The following CPQ variants were observed in gnomAD, a reference collection of about 807,000 sequenced individuals.
CPQ encodes carboxypeptidase Q.
CPQ carries 37 observed loss-of-function variants against 45.7 expected under a neutral mutation model. The ratio of observed to expected loss-of-function variants is 0.81; its 90% CI spans 0.62 to 1.07. CPQ has a LOEUF of 1.07. Ranked by LOEUF, CPQ falls within the 50% of genes least tolerant of loss-of-function variation. The pLI, the probability that CPQ is intolerant of heterozygous loss-of-function variation, is 0.00. For synonymous variants in CPQ, 186 were observed against 205.8 expected (o/e 0.90, Z 0.82); for missense variants, 537 against 572.9 (o/e 0.94, Z 0.64).
chr8:96,859,878 G>A (rs928980928), intron 3 of CPQ, among the ~76,000 whole-genome samples: 1 of 152,016 alleles, frequency 6.6e-6, no homozygotes, highest in African/African-American at 2.4e-5. Flanking sequence ...CATACATTTT[G>A]TGTACTTATT....
chr8:96,759,033 T>C (rs981681349), intron 1 of CPQ, among the ~76,000 whole-genome samples: 6 of 152,198 alleles, frequency 3.9e-5, no homozygotes, highest in Non-Finnish European at 8.8e-5. Flanking sequence ...GTTCGAGTAA[T>C]ATTTTCTACG....
chr8:96,857,477 A>G (rs1328942714), intron 3 of CPQ, among the ~76,000 whole-genome samples: 1 of 152,206 alleles, frequency 6.6e-6, no homozygotes, highest in Non-Finnish European at 1.5e-5. Flanking sequence ...ATAAGGATAA[A>G]CGATCAGAGG....
chr8:96,837,115 T>A (rs1358853781), intron 3 of CPQ, among the ~76,000 whole-genome samples: 1 of 152,182 alleles, frequency 6.6e-6, no homozygotes, highest in African/African-American at 2.4e-5. Context: ...ATTTTATTGA[T>A]AGGGAAATAA....
intron 4 of CPQ, among the ~76,000 whole-genome samples, chr8:96,910,301 T>G (rs2130903845): frequency 6.6e-6 from 1 of 152,300 alleles, no homozygotes; most frequent in African/African-American, 2.4e-5. Context: ...AAAACTCTAT[T>G]TCAAGGCTTT....
At chr8:96,759,209 T>G (rs1040264828) in intron 1 of CPQ, among the ~76,000 whole-genome samples, 3 of 152,266 alleles carry the variant, frequency 2.0e-5, no homozygotes, top group Admixed American at 2.0e-4. Flanking sequence ...CTCACCTTGC[T>G]CCATCCCTGC....
At chr8:97,105,453 G>T (rs1226899255) in intron 7 of CPQ, among the ~76,000 whole-genome samples, 1 of 152,074 alleles carries the variant, frequency 6.6e-6, no homozygotes, top group Non-Finnish European at 1.5e-5. Flanking sequence ...GTTTTGTCTG[G>T]TTTTTTATTC....
chr8:96,820,504 A>T (rs1330152978), intron 2 of CPQ, among the ~76,000 whole-genome samples: 1 of 151,768 alleles, frequency 6.6e-6, no homozygotes, highest in African/African-American at 2.4e-5. Context: ...ATAACTACCA[A>T]TCTCTATCTT....
intron 4 of CPQ, among the ~76,000 whole-genome samples, chr8:96,943,296 G>T (rs1241290764): frequency 6.6e-6 from 1 of 152,168 alleles, no homozygotes; most frequent in African/African-American, 2.4e-5. Flanking sequence ...TGCATCTGTA[G>T]ATGCGTGTAC....
chr8:96,960,509 A>G (rs183736113), intron 4 of CPQ, among the ~76,000 whole-genome samples: 13 of 152,240 alleles, frequency 8.5e-5, no homozygotes, highest in Admixed American at 2.6e-4. Flanking sequence ...CATATGGAAG[A>G]CTTTATTTAT....
At chr8:97,020,177 G>A (rs1809653495) in intron 5 of CPQ, among the ~76,000 whole-genome samples, 1 of 152,046 alleles carries the variant, frequency 6.6e-6, no homozygotes, top group Non-Finnish European at 1.5e-5. Flanking sequence ...TCTTTGAACT[G>A]AGTGACAGTA....
At chr8:97,110,195 C>CATATAAA (rs1811477035) in intron 7 of CPQ, among the ~76,000 whole-genome samples, 3 of 152,108 alleles carry the variant, frequency 2.0e-5, no homozygotes, top group Non-Finnish European at 2.9e-5. Context: ...TTAGTTTTTC[C>CATATAAA]TGTGCTTGAA....
chr8:96,791,096 AG>A (rs1227703529), intron 2 of CPQ, among the ~76,000 whole-genome samples: 13 of 152,138 alleles, frequency 8.5e-5, no homozygotes, highest in Non-Finnish European at 1.8e-4. Flanking sequence ...TTATCTGAAA[AG>A]GATTAGCACT....
intron 5 of CPQ, among the ~76,000 whole-genome samples, chr8:97,012,010 T>C (rs1224156763): frequency 6.6e-6 from 1 of 152,212 alleles, no homozygotes; most frequent in Non-Finnish European, 1.5e-5. Flanking sequence ...GCAAAACACC[T>C]ACTACAATGA....
chr8:96,854,557 A>AAAAAAAAAAACCAC lies in CPQ; in HGVS notation c.641+19379_641+19380insAAAAAAAACCACAA, dbSNP rs1554573253. Among the ~76,000 whole-genome samples, 2 of 76,866 alleles carry AAAAAAAAAAACCAC rather than the reference A, an allele frequency of 2.6e-5. 1 individual carries two copies. Among genetic ancestry groups the AAAAAAAAAAACCAC allele is most frequent in the African/African-American group, 1.0e-4 (2 of 19,998 alleles). 50.4% of individuals were successfully genotyped at this position (76,866 alleles called of 152,430 possible). ...AAAAAAAAAAAAAAAAAAAAAAAAA[A>AAAAAAAAAAACCAC]AATGTGGTGGAACTAAAAGCCCAGT... On this transcript the variant is annotated intron_variant, in intron 3 of 7. Coordinates refer to ENST00000220763, the MANE Select transcript of CPQ (RefSeq NM_016134.4).
At chr8:97,104,931 T>C (rs922260382) in intron 7 of CPQ, among the ~76,000 whole-genome samples, 6 of 152,244 alleles carry the variant, frequency 3.9e-5, no homozygotes, top group Admixed American at 1.3e-4. Context: ...TTAATTTCAC[T>C]GAGAGTCTTT....
At chr8:96,854,834 G>A (rs1811825339) in intron 3 of CPQ, among the ~76,000 whole-genome samples, 1 of 152,158 alleles carries the variant, frequency 6.6e-6, no homozygotes, top group Non-Finnish European at 1.5e-5. Context: ...TAGCAGACTG[G>A]AGACCAAGGA....
At chr8:96,989,306 G>A (rs1052408624) in intron 5 of CPQ, among the ~76,000 whole-genome samples, 2 of 151,992 alleles carry the variant, frequency 1.3e-5, no homozygotes, top group African/African-American at 4.8e-5. Flanking sequence ...GACTGGTGGA[G>A]CTTGTCTTTC....
In CPQ at chr8:96,778,890, A is replaced by C. The variant is rs151248945; in HGVS notation, c.-34-5974A>C. Among the ~76,000 whole-genome samples, 563 of 151,954 alleles carry C rather than the reference A, an allele frequency of 3.7e-3. 8 individuals are homozygous for C. The highest frequency in any genetic ancestry group is 0.011 in the Admixed American group (173 of 15,256). On this transcript the variant is annotated intron_variant, in intron 1 of 7. Transcript: ENST00000220763. ...GATCAGCCTGGCCAATATGGTGAAA[A>C]GCTGTCTCTACTGAAAATACAAAAA...
intron 2 of CPQ, among the ~76,000 whole-genome samples, chr8:96,787,525 CTTTTT>C (rs71267281): frequency 1.4e-3 from 68 of 47,572 alleles, no homozygotes; most frequent in Middle Eastern, 0.016. Flanking sequence ...CTTATAATGT[CTTTTT>C]TTTTTTTTTT....
Sources: allele counts gnomAD v4.1 joint callset (sites outside exome capture counted in the v4.1 genomes callset), GRCh38; gene constraint gnomAD v4.1.1; transcripts MANE v1.5; gene names NCBI Gene and HGNC (gene_info 2026-07-23, HGNC 2026-07-21).